PDE11A: variants seen among roughly 807,000 people sequenced by gnomAD.
PDE11A encodes the protein dual 3',5'-cyclic-AMP and -GMP phosphodiesterase 11A.
In PDE11A, 100 loss-of-function variants were observed where a neutral mutation model predicts 100.5. The ratio of observed to expected loss-of-function variants is 1.00; its 90% CI spans 0.85 to 1.18. The LOEUF (loss-of-function observed/expected upper bound fraction) is 1.18. PDE11A is among the 50% of genes most tolerant of loss of function. PDE11A has a pLI of 0.00. For missense variants in PDE11A, 1,141 were observed against 1,152.6 expected (o/e 0.99, Z 0.15); for synonymous variants, 381 against 420.8 (o/e 0.91, Z 1.16).
At chr2:177,953,426 A>T (rs1440290083) in intron 2 of PDE11A, 2 of 152,204 alleles carry the variant, frequency 1.3e-5, no homozygotes, top group Non-Finnish European at 2.9e-5. Context: ...AAGAAAAGTG[A>T]ATATCATAAT....
intron 1 of PDE11A, among the ~76,000 whole-genome samples, chr2:178,104,638 A>G (rs944751733): frequency 6.6e-6 from 1 of 152,268 alleles, no homozygotes; most frequent in Non-Finnish European, 1.5e-5. Context: ...ATGAGTGCTC[A>G]AAAACACAGA....
intron 2 of PDE11A, among the ~76,000 whole-genome samples, chr2:178,084,208 A>G (rs865779972): frequency 6.6e-6 from 1 of 152,262 alleles, no homozygotes; most frequent in African/African-American, 2.4e-5. Flanking sequence ...TAACACTCCA[A>G]GGTAAAAAGA....
rs1349504834 is a variant in PDE11A, at chr2:177,781,548, G to C, written c.1738-12175C>G. Among the ~76,000 whole-genome samples the C allele has an allele frequency of 4.0e-5, 6 of 151,612 alleles. No individual in the cohort carries two copies. In the South Asian group the frequency reaches 1.3e-3, roughly 32 times the overall value. ...CTCTGTCTGTCACTCTGTTCCCCAG[G>C]CTGGAGTGTAGTGGCTTGATCTCAG... On this transcript the variant is annotated intron_variant, in intron 9 of 19. Coordinates refer to ENST00000286063, the MANE Select transcript of PDE11A (RefSeq NM_016953.4).
At chr2:178,103,191 G>T (rs1250981978) in intron 2 of PDE11A, among the ~76,000 whole-genome samples, 1 of 150,550 alleles carries the variant, frequency 6.6e-6, no homozygotes, top group Admixed American at 6.6e-5. Context: ...AGTGGGGGGG[G>T]AAGGAATGAA....
At chr2:177,925,523 T>C (rs530809630) in intron 2 of PDE11A, among the ~76,000 whole-genome samples, 15 of 152,330 alleles carry the variant, frequency 9.8e-5, no homozygotes, top group African/African-American at 3.6e-4. Flanking sequence ...TGCATAAATG[T>C]CTTCTTTTGA....
intron 9 of PDE11A, among the ~76,000 whole-genome samples, chr2:177,780,108 T>C (rs937626135): frequency 5.3e-5 from 8 of 152,198 alleles, no homozygotes; most frequent in Non-Finnish European, 1.2e-4. Flanking sequence ...AGTAATATTT[T>C]GAAAGGAATC....
At position 177,834,938 on chromosome 2, in the gene PDE11A, G is replaced by A. The variant is rs373840798; in HGVS notation, c.1500+5313C>T. On this transcript the variant is annotated intron_variant, in intron 6 of 19. Transcript: ENST00000286063. ...CTCTCCCTTGTTGGAGGAGAACCCA[G>A]CTCCTCAGCTTTACCTTAGCATTCA... Among the ~76,000 whole-genome samples the A allele has an allele frequency of 1.8e-3, 267 of 152,060 alleles. 4 individuals are homozygous for A. The South Asian group carries it at 0.054, about 31-fold the overall frequency.
At chr2:177,794,624 C>A (rs562929001) in intron 9 of PDE11A, among the ~76,000 whole-genome samples, 10 of 152,276 alleles carry the variant, frequency 6.6e-5, no homozygotes, top group South Asian at 6.2e-4. Context: ...GTCAGCCCCA[C>A]AGACCCACAT....
intron 14 of PDE11A, among the ~76,000 whole-genome samples, chr2:177,699,239 A>G (rs1405866159): frequency 6.6e-6 from 1 of 152,214 alleles, no homozygotes; most frequent in African/African-American, 2.4e-5. Flanking sequence ...TCCATACATC[A>G]TATTACTGTC....
intron 11 of PDE11A, 35 bp from the exon 12 acceptor site, chr2:177,727,800 G>T: frequency 7.7e-7 from 1 of 1,294,098 alleles, no homozygotes; most frequent in Non-Finnish European, 1.1e-6. Flanking sequence ...TCAGGCAGTT[G>T]TAAGTGATTC....
intron 1 of PDE11A, among the ~76,000 whole-genome samples, chr2:178,062,239 G>T (rs2086980987): frequency 6.6e-6 from 1 of 151,874 alleles, no homozygotes. Flanking sequence ...ATGATAAAAA[G>T]GAGGGCTATG....
chr2:177,701,258 C>T, intron 13 of PDE11A, 47 bp from the exon 14 acceptor site: 1 of 904,720 alleles, frequency 1.1e-6, no homozygotes. Flanking sequence ...CGATGGTTCC[C>T]CCACACCAGC....
intron 4 of PDE11A, among the ~76,000 whole-genome samples, chr2:177,881,753 A>G (rs372009454): frequency 1.5e-4 from 23 of 152,358 alleles, no homozygotes; most frequent in African/African-American, 4.6e-4. Flanking sequence ...TAATTTAAGT[A>G]TTGTCTGTGC....
intron 10 of PDE11A, among the ~76,000 whole-genome samples, chr2:177,741,021 C>T (rs572494935): frequency 1.3e-5 from 2 of 152,314 alleles, no homozygotes; most frequent in African/African-American, 4.8e-5. Context: ...TGATAACTAT[C>T]TTACAGTCAT....
intron 4 of PDE11A, among the ~76,000 whole-genome samples, chr2:177,891,729 G>C (rs1006945255): frequency 3.3e-5 from 5 of 152,074 alleles, no homozygotes; most frequent in Admixed American, 3.3e-4. Context: ...ACCTATTTTT[G>C]TCAATAAAGT....
chr2:177,902,055 A>T (rs1465557934), intron 3 of PDE11A, among the ~76,000 whole-genome samples: 1 of 152,210 alleles, frequency 6.6e-6, no homozygotes, highest in Non-Finnish European at 1.5e-5. Flanking sequence ...AAAATCTAGG[A>T]TAATATCTGT....
chr2:177,947,747 A>G (rs1016724194), intron 2 of PDE11A, among the ~76,000 whole-genome samples: 3 of 151,342 alleles, frequency 2.0e-5, no homozygotes, highest in Non-Finnish European at 4.4e-5. Flanking sequence ...TGTGAGAAAC[A>G]CCCAAGAATT....
chr2:177,724,247 T>C (rs535104325), intron 12 of PDE11A, among the ~76,000 whole-genome samples: 2 of 152,172 alleles, frequency 1.3e-5, no homozygotes, highest in African/African-American at 4.8e-5. Flanking sequence ...AACAAATTAA[T>C]AAGTCATTAA....
At position 177,840,224 on chromosome 2, in the gene PDE11A, G is replaced by C. The variant is rs1469018838; in HGVS notation, c.1500+27C>G. The C allele has an allele frequency of 1.9e-6, 3 of 1,612,554 alleles. No individual in the cohort carries two copies. In the African/African-American group the frequency reaches 4.0e-5, roughly 22 times the overall value. On this transcript the variant is annotated intron_variant, in intron 6 of 19. Transcript: ENST00000286063. ...CAACAGTGCGACAACTGAAACTTAG[G>C]ATTGCAACCAGAGGGGCTCCTCTTA...
Sources: gnomAD v4.1 joint callset for allele counts (sites outside exome capture counted in the v4.1 genomes callset) on GRCh38, gnomAD v4.1.1 for gene constraint, MANE v1.5 for transcripts, NCBI Gene and HGNC (gene_info 2026-07-23, HGNC 2026-07-21) for gene names.